The following ANXA3 variants were observed in gnomAD, a reference collection of about 807,000 sequenced individuals.
ANXA3 encodes annexin A3, also known as 35-alpha calcimedin.
A neutral mutation model predicts 48.8 loss-of-function variants in ANXA3; 46 were observed. That is an observed-to-expected ratio of 0.94 (90% CI 0.74 to 1.21). The LOEUF (loss-of-function observed/expected upper bound fraction) is 1.21, where lower values mean the gene tolerates loss of function less well. Among genes scored for constraint, ANXA3 ranks in the 50% most tolerant of loss-of-function variants. The pLI is 0.00. For synonymous variants in ANXA3, 128 were observed against 134.7 expected (o/e 0.95, Z 0.35); for missense variants, 383 against 378.6 (o/e 1.01, Z -0.10).
At chr4:78,609,031 A>G (rs755580422) in intron 12 of ANXA3, among the ~76,000 whole-genome samples, 3 of 152,216 alleles carry the variant, frequency 2.0e-5, no homozygotes, top group Admixed American at 6.5e-5. Context: ...ATAGCATAAG[A>G]ACTAAAATCT....
intron 3 of ANXA3, among the ~76,000 whole-genome samples, chr4:78,578,788 T>C (rs1261409378): frequency 6.6e-6 from 1 of 151,948 alleles, no homozygotes; most frequent in Non-Finnish European, 1.5e-5. Context: ...AGACAATGAT[T>C]GTTTCCTTCC....
chr4:78,560,840 C>T (rs113589994), intron 2 of ANXA3, among the ~76,000 whole-genome samples: 2 of 152,138 alleles, frequency 1.3e-5, no homozygotes, highest in Non-Finnish European at 2.9e-5. Context: ...TGCCAAGAAC[C>T]AGTGCAAAGA....
At chr4:78,562,176 T>C (rs988585581) in intron 2 of ANXA3, among the ~76,000 whole-genome samples, 4 of 152,058 alleles carry the variant, frequency 2.6e-5, no homozygotes, top group Non-Finnish European at 4.4e-5. Flanking sequence ...GTGGAGAAGG[T>C]ATGATTTGTT....
Position 78,573,276 on chromosome 4 carries a change from T to C in ANXA3, c.103+9T>C, listed in dbSNP as rs5945. 142,892 of 1,589,514 alleles carry C rather than the reference T, an allele frequency of 0.09. 8,319 individuals are homozygous for C. Among genetic ancestry groups the C allele is most frequent in the East Asian group, 0.3 (13,617 of 44,694 alleles). The stretch of plus-strand genomic sequence containing the variant: ...AGCAATCAGAGGAATTGGTGAGTGA[T>C]ATTTTACAATTCCTTTCTTAATGTT... On this transcript the variant is annotated intron_variant, in intron 3 of 12. Transcript: ENST00000264908.
intron 8 of ANXA3, 98 bp downstream of exon 8, chr4:78,595,535 C>A: frequency 4.0e-6 from 5 of 1,247,740 alleles, no homozygotes; most frequent in African/African-American, 3.8e-5. Context: ...GCAACAGGGA[C>A]TTTTCTTTTT....
At chr4:78,574,794 T>G (rs969733045) in intron 3 of ANXA3, among the ~76,000 whole-genome samples, 1 of 152,228 alleles carries the variant, frequency 6.6e-6, no homozygotes, top group Non-Finnish European at 1.5e-5. Flanking sequence ...TCTTTTATAT[T>G]GCAATATAAA....
At chr4:78,564,439 G>A (rs1364166208) in intron 2 of ANXA3, among the ~76,000 whole-genome samples, 1 of 152,188 alleles carries the variant, frequency 6.6e-6, no homozygotes, top group Non-Finnish European at 1.5e-5. Flanking sequence ...AGATGTCATT[G>A]TCTTGCTTTC....
intron 11 of ANXA3, chr4:78,603,152 G>T (rs974711841): frequency 3.9e-5 from 6 of 152,100 alleles, no homozygotes; most frequent in Non-Finnish European, 5.9e-5. Flanking sequence ...TAGTTAATTT[G>T]CTTTGCTGTC....
intron 2 of ANXA3, among the ~76,000 whole-genome samples, chr4:78,555,236 T>C (rs1360503336): frequency 4.6e-5 from 7 of 152,186 alleles, no homozygotes; most frequent in African/African-American, 1.7e-4. Context: ...GAAATATGAA[T>C]GGATTGAAGA....
intron 12 of ANXA3, among the ~76,000 whole-genome samples, chr4:78,608,790 T>A (rs565453740): frequency 1.4e-4 from 21 of 152,260 alleles, no homozygotes; most frequent in Admixed American, 9.8e-4. Flanking sequence ...GTTTTACATG[T>A]ATTGAGTTTG....
chr4:78,589,139 G>C (rs1268978707), intron 6 of ANXA3, among the ~76,000 whole-genome samples: 1 of 152,176 alleles, frequency 6.6e-6, no homozygotes, highest in East Asian at 1.9e-4. Flanking sequence ...TCAGTTCTAA[G>C]AACAGTGGGG....
chr4:78,565,751 A>C (rs1490403569), intron 2 of ANXA3, among the ~76,000 whole-genome samples: 1 of 152,132 alleles, frequency 6.6e-6, no homozygotes, highest in African/African-American at 2.4e-5. Flanking sequence ...TACCTACCTC[A>C]TAGGGTGGTT....
rs113196846 is a variant in ANXA3 at position 78,577,213 on chromosome 4, A to G, written c.104-1814A>G. Among the ~76,000 whole-genome samples, 7 of 152,342 alleles carry G rather than the reference A, an allele frequency of 4.6e-5. 1 individual carries two copies. The highest frequency in any genetic ancestry group is 1.7e-4 in the African/African-American group (7 of 41,584). On this transcript the variant is annotated intron_variant, in intron 3 of 12. Transcript: ENST00000264908. ...GTTATCCAGGTAAAATATGATAAGG[A>G]CACAGGAGCAGAGGGCATGCAGAGG...
intron 12 of ANXA3, among the ~76,000 whole-genome samples, chr4:78,607,647 A>G (rs1006336121): frequency 4.0e-5 from 6 of 149,506 alleles, no homozygotes; most frequent in Non-Finnish European, 5.9e-5. Flanking sequence ...ATCAACTCAT[A>G]ATCTATGTGG....
At chr4:78,592,411 G>A (rs542200849) in intron 7 of ANXA3, among the ~76,000 whole-genome samples, 2 of 152,296 alleles carry the variant, frequency 1.3e-5, no homozygotes, top group Non-Finnish European at 2.9e-5. Flanking sequence ...ATTAGGAAGC[G>A]ATTTATCTAA....
intron 4 of ANXA3, among the ~76,000 whole-genome samples, chr4:78,581,771 G>A (rs1342597869): frequency 6.6e-6 from 1 of 152,288 alleles, no homozygotes; most frequent in Middle Eastern, 3.4e-3. Flanking sequence ...TCCTCTTGGA[G>A]CTCTTTGGGA....
chr4:78,582,452 C>A (rs1723092114), intron 5 of ANXA3, 162 bp downstream of exon 5: 2 of 520,940 alleles, frequency 3.8e-6, no homozygotes, highest in Non-Finnish European at 7.0e-6. Context: ...AGCTATAGAA[C>A]CTTAAGCCCA....
intron 11 of ANXA3, chr4:78,604,075 C>G: frequency 2.2e-6 from 1 of 446,368 alleles, no homozygotes; most frequent in Non-Finnish European, 3.8e-6. Flanking sequence ...CTCTGCTTTG[C>G]AGCATTTAGC....
chr4:78,579,900 T>A (rs1463367663), intron 4 of ANXA3, among the ~76,000 whole-genome samples: 2 of 152,108 alleles, frequency 1.3e-5, no homozygotes, highest in African/African-American at 4.8e-5. Flanking sequence ...TGATCCAGCC[T>A]GGAAACAGAG....
Sources: gnomAD v4.1 joint callset for allele counts (sites outside exome capture counted in the v4.1 genomes callset) on GRCh38, gnomAD v4.1.1 for gene constraint, MANE v1.5 for transcripts, NCBI Gene and HGNC (gene_info 2026-07-23, HGNC 2026-07-21) for gene names.